KLRC1: variants seen among roughly 807,000 people sequenced by gnomAD.
KLRC1 encodes killer cell lectin like receptor C1.
KLRC1 carries 22 observed loss-of-function variants against 25.9 expected under a neutral mutation model. The ratio of observed to expected loss-of-function variants is 0.85; its 90% CI spans 0.61 to 1.21. The LOEUF (loss-of-function observed/expected upper bound fraction) is 1.21, where lower values mean the gene tolerates loss of function less well. Among genes scored for constraint, KLRC1 ranks in the 50% most tolerant of loss-of-function variants. The pLI, the probability that KLRC1 is intolerant of heterozygous loss-of-function variation, is 0.00. For missense variants in KLRC1, 240 were observed against 272.2 expected, an observed-to-expected ratio of 0.88 and a Z score of 0.83; for synonymous variants, 77 against 93.1, an observed-to-expected ratio of 0.83 and a Z score of 0.99.
chr12:10,454,082 C>G (rs1411410601), upstream of KLRC1, among the ~76,000 whole-genome samples: 1 of 152,152 alleles, frequency 6.6e-6, no homozygotes, highest in Non-Finnish European at 1.5e-5. Context: ...ATGACAAAAA[C>G]TGAAGTCAAA....
At chr12:10,453,822 T>G (rs964887239), upstream of KLRC1, among the ~76,000 whole-genome samples, 15 of 152,168 alleles carry the variant, frequency 9.9e-5, no homozygotes, top group African/African-American at 3.6e-4. Context: ...ACAAAAAGCA[T>G]CATTGCCAAA....
chr12:10,447,365 A>C (rs936401923), intron 6 of KLRC1, 167 bp downstream of exon 6: 34 of 568,046 alleles, frequency 6.0e-5, no homozygotes, highest in Non-Finnish European at 1.0e-4. Context: ...TGAGCGGTTG[A>C]AATATATGGA....
chr12:10,443,963 C>A (rs1220120577), downstream of KLRC1, among the ~76,000 whole-genome samples: 1 of 136,114 alleles, frequency 7.3e-6, no homozygotes, highest in East Asian at 2.2e-4. Context: ...AGTTTACCTA[C>A]AATAGAAGTC....
upstream of KLRC1, chr12:10,454,457 C>T (rs1864177122): frequency 4.7e-6 from 1 of 214,136 alleles, no homozygotes; most frequent in Admixed American, 6.5e-5. Flanking sequence ...GACTCACACA[C>T]TAGTGTCTCA....
At chr12:10,452,819 C>T (rs1328708645) in intron 1 of KLRC1, among the ~76,000 whole-genome samples, 1 of 152,046 alleles carries the variant, frequency 6.6e-6, no homozygotes, top group African/African-American at 2.4e-5. Context: ...TTGTATTTGG[C>T]TTTCATCAAT....
At position 10,451,171 on chromosome 12, in the gene KLRC1, A is replaced by G; in HGVS notation, c.-15T>C. 6.2e-7 allele frequency: 1 copy of G among 1,607,030 alleles called. No individual in the cohort carries two copies. The highest frequency in any genetic ancestry group is 2.2e-5 in the East Asian group (1 of 44,838). On this transcript the variant is annotated 5_prime_UTR_variant, in exon 2 of 7. Coordinates refer to ENST00000359151, the MANE Select transcript of KLRC1 (RefSeq NM_002259.5). ...TGGTTATCCATCTCTGCAGTGTGTG[A>G]TGTCAGGGACTGTACTCTATAATAA...
chr12:10,443,452 T>C (rs1197455788), downstream of KLRC1, among the ~76,000 whole-genome samples: 67 of 118,900 alleles, frequency 5.6e-4, 11 homozygotes, highest in African/African-American at 9.4e-4. Context: ...GCATGCTTCA[T>C]AATGTAAGAT....
chr12:10,449,850 G>T (rs960134724), intron 4 of KLRC1, 64 bp downstream of exon 4: 2 of 1,272,512 alleles, frequency 1.6e-6, no homozygotes, highest in Admixed American at 3.4e-5. Flanking sequence ...TTTTATTTTT[G>T]TACAGCCTAA....
chr12:10,453,289 A>T lies in KLRC1; in HGVS notation c.-123T>A. 1.0e-6 allele frequency: 1 copy of T among 985,390 alleles called. No homozygotes were observed. Among genetic ancestry groups the T allele is most frequent in the Non-Finnish European group, 1.2e-6 (1 of 829,896 alleles). 61.0% of individuals were successfully genotyped at this position (985,390 alleles called of 1,614,324 possible). On this transcript the variant is annotated 5_prime_UTR_variant, in exon 1 of 7. Transcript: ENST00000359151. ...CTATAGCTGTGTAATAAAAGGTGAA[A>T]TTTAAAGGCATAAATCCAAGACAAG...
Position 10,446,531 on chromosome 12 carries a change from C to T in KLRC1, c.*20G>A, listed in dbSNP as rs754672575. ...AATATACAATTTATCTGATGCACTG[C>T]AAATGCAAACGCTTTACCTCTAAAG... On this transcript the variant is annotated 3_prime_UTR_variant, in exon 7 of 7. Coordinates refer to ENST00000359151, the MANE Select transcript of KLRC1 (RefSeq NM_002259.5). The T allele has an allele frequency of 5.0e-6, 8 of 1,599,192 alleles. No homozygotes were observed. In the African/African-American group the frequency reaches 8.1e-5, roughly 16 times the overall value.
chr12:10,451,009 GA>G lies in KLRC1; in HGVS notation c.147del (p.Gln50ArgfsTer34). On this transcript the variant is annotated frameshift_variant, in exon 2 of 7. Coordinates refer to ENST00000359151, the MANE Select transcript of KLRC1 (RefSeq NM_002259.5). LOFTEE classifies it high-confidence loss of function. ...GTTTTGTCATTCCCTTGAAAATCCT[GA>G]GAAGCTTTTTGAAGGTTTAATTCCG... ...TYAELNLQKA[S>X]QDFQGNDKTY... The G allele has an allele frequency of 6.2e-7, 1 of 1,613,428 alleles. No homozygotes were observed. Among genetic ancestry groups the G allele is most frequent in the Non-Finnish European group, 8.5e-7 (1 of 1,179,712 alleles).
chr12:10,448,880 A>G (rs1864058290), intron 5 of KLRC1, among the ~76,000 whole-genome samples: 1 of 152,218 alleles, frequency 6.6e-6, no homozygotes, highest in Non-Finnish European at 1.5e-5. Flanking sequence ...TGGAACTACT[A>G]GAGCTGGAAA....
chr12:10,448,593 G>A (rs993001648), intron 5 of KLRC1, among the ~76,000 whole-genome samples: 7 of 152,164 alleles, frequency 4.6e-5, no homozygotes, highest in Admixed American at 1.3e-4. Context: ...CTGAGGGCAT[G>A]AGACTCACTT....
upstream of KLRC1, among the ~76,000 whole-genome samples, chr12:10,453,833 G>A (rs1864167229): frequency 6.6e-6 from 1 of 151,994 alleles, no homozygotes; most frequent in Non-Finnish European, 1.5e-5. Context: ...CATTGCCAAA[G>A]TTATATTATT....
intron 1 of KLRC1, among the ~76,000 whole-genome samples, chr12:10,452,233 A>G (rs1864140499): frequency 6.6e-6 from 1 of 152,146 alleles, no homozygotes; most frequent in Admixed American, 6.5e-5. Context: ...AAATAAAAGT[A>G]TAGGTAATTC....
chr12:10,446,522 GATGCACTGCAA>G lies in KLRC1; in HGVS notation c.*18_*28del. ...ATTTTAAGAAATATACAATTTATCT[GATGCACTGCAA>G]ATGCAAACGCTTTACCTCTAAAGCT... On this transcript the variant is annotated 3_prime_UTR_variant, in exon 7 of 7. Coordinates refer to ENST00000359151, the MANE Select transcript of KLRC1 (RefSeq NM_002259.5). The G allele has an allele frequency of 6.3e-6, 10 of 1,579,426 alleles. No individual in the cohort carries two copies. Among genetic ancestry groups the G allele is most frequent in the Non-Finnish European group, 8.6e-6 (10 of 1,156,764 alleles).
chr12:10,451,303 A>G (rs989667892), intron 1 of KLRC1, 116 bp from the exon 2 acceptor site: 2 of 515,644 alleles, frequency 3.9e-6, no homozygotes, highest in African/African-American at 3.9e-5. Context: ...TAAATAATCT[A>G]AAGTTCTTTC....
intron 5 of KLRC1, 67 bp from the exon 6 acceptor site, chr12:10,447,699 A>C (rs868171115): frequency 7.4e-7 from 1 of 1,356,536 alleles, no homozygotes; most frequent in East Asian, 2.5e-5. Flanking sequence ...CAATATATTA[A>C]ATTTGAAAAC....
downstream of KLRC1, among the ~76,000 whole-genome samples, chr12:10,445,642 G>T (rs183708103): frequency 1.3e-5 from 2 of 151,942 alleles, no homozygotes; most frequent in African/African-American, 2.4e-5. Context: ...GTGTGATCAT[G>T]TGCAGATAAA....
Sources: gnomAD v4.1 joint callset for allele counts (sites outside exome capture counted in the v4.1 genomes callset) on GRCh38, gnomAD v4.1.1 for gene constraint, MANE v1.5 for transcripts, NCBI Gene and HGNC (gene_info 2026-07-23, HGNC 2026-07-21) for gene names.